The following ATR variants were observed in gnomAD, a reference collection of about 807,000 sequenced individuals.
ATR encodes serine/threonine-protein kinase ATR.
In ATR, 142 loss-of-function variants were observed where a neutral mutation model predicts 305.3. The observed-to-expected ratio is 0.47, with a 90% CI of 0.41 to 0.53. The LOEUF (loss-of-function observed/expected upper bound fraction) is 0.53, where lower values mean the gene tolerates loss of function less well. Among genes scored for constraint, ATR ranks in the 20% least tolerant of loss-of-function variants. The pLI is 0.00. For missense variants in ATR, 2,135 were observed against 3,133.1 expected (o/e 0.68, Z 7.60); for synonymous variants, 1,050 against 1,068.1 (o/e 0.98, Z 0.33).
chr3:142,496,314 A>ATGTG (rs761615149), intron 34 of ATR, 47 bp downstream of exon 34: 1 of 200,722 alleles, frequency 5.0e-6, no homozygotes, highest in African/African-American at 3.7e-5. Context: ...ATATATATAT[A>ATGTG]TATATATATA....
At chr3:142,453,048 G>C (rs777483467) in intron 46 of ATR, 80 bp downstream of exon 46, 11 of 1,595,282 alleles carry the variant, frequency 6.9e-6, no homozygotes, top group Non-Finnish European at 8.5e-6. Flanking sequence ...CATGCATAGA[G>C]ATGAGAACTA....
At chr3:142,450,257 C>T in intron 46 of ATR, 1 of 703,016 alleles carries the variant, frequency 1.4e-6, no homozygotes, top group Non-Finnish European at 2.6e-6. Context: ...ACCCCTACAA[C>T]AGCCAACTTT....
chr3:142,510,905 T>TTAC (rs1427917608), intron 27 of ATR, among the ~76,000 whole-genome samples: 1 of 152,100 alleles, frequency 6.6e-6, no homozygotes, highest in Non-Finnish European at 1.5e-5. Context: ...AAATTAGCAG[T>TTAC]TGTCATTTTT....
chr3:142,450,976 A>C, intron 46 of ATR: 1 of 1,217,186 alleles, frequency 8.2e-7, no homozygotes, highest in Non-Finnish European at 1.0e-6. Flanking sequence ...TCTGACACTC[A>C]AAATCAGAAC....
chr3:142,504,366 TAG>T (rs2032130660), intron 29 of ATR, among the ~76,000 whole-genome samples: 1 of 152,198 alleles, frequency 6.6e-6, no homozygotes, highest in African/African-American at 2.4e-5. Context: ...ATATACATTT[TAG>T]AGTTATTAAA....
chr3:142,459,285 T>C lies in ATR; in HGVS notation c.7291A>G (p.Arg2431Gly). The C allele has an allele frequency of 1.2e-6, 2 of 1,614,008 alleles. No individual in the cohort carries two copies. The highest frequency in any genetic ancestry group is 1.7e-6 in the Non-Finnish European group (2 of 1,179,890). The change falls in exon 43 of 47, where the codon AGG becomes GGG. Residue 2431 changes from arginine to glycine, a missense_variant. By Grantham distance (125) the Arg-to-Gly change is moderately radical. This residue lies in a region of ATR where 462 missense variants were observed against 887.6 expected (regional missense o/e 0.52). Transcript: ENST00000350721. ...LKVFREFLLP[R>G]HPPIFHEWFL... The stretch of plus-strand genomic sequence containing the variant: ...CACTCATGAAAAATAGGAGGATGCC[T>C]GGGCAGGAGAAATTCTCGGAATACT...
chr3:142,548,915 CAAATT>C (rs2034373092), intron 15 of ATR, among the ~76,000 whole-genome samples: 1 of 152,014 alleles, frequency 6.6e-6, no homozygotes, highest in African/African-American at 2.4e-5. Flanking sequence ...TATTATGAAA[CAAATT>C]AAGTAAATTA....
intron 25 of ATR, 41 bp from the exon 26 acceptor site, chr3:142,513,679 T>C (rs768388348): frequency 1.3e-6 from 2 of 1,597,654 alleles, no homozygotes; most frequent in Non-Finnish European, 1.7e-6. Context: ...CACTTTCACA[T>C]ATTGATTAAA....
At chr3:142,561,448 A>T (rs751835524) in intron 4 of ATR, 27 bp from the exon 5 acceptor site, 1 of 1,579,832 alleles carries the variant, frequency 6.3e-7, no homozygotes, top group South Asian at 1.1e-5. Flanking sequence ...TAATTTCCAG[A>T]AATATTCCTT....
At chr3:142,513,753 T>G in intron 25 of ATR, 115 bp from the exon 26 acceptor site, 2 of 1,143,996 alleles carry the variant, frequency 1.7e-6, no homozygotes, top group South Asian at 1.8e-5. Context: ...ATTTAAAAAG[T>G]TTTTTAATTA....
At chr3:142,450,750 T>G in intron 46 of ATR, 1 of 1,529,144 alleles carries the variant, frequency 6.5e-7, no homozygotes, top group Non-Finnish European at 8.8e-7. Flanking sequence ...TGGCAGGTCT[T>G]CAGCACCCTA....
At chr3:142,541,766 A>G (rs2034059664) in intron 17 of ATR, among the ~76,000 whole-genome samples, 1 of 152,182 alleles carries the variant, frequency 6.6e-6, no homozygotes, top group Non-Finnish European at 1.5e-5. Flanking sequence ...TAGATGGAAT[A>G]GTAGTTGGTT....
chr3:142,564,133 G>A (rs187588829), intron 3 of ATR, among the ~76,000 whole-genome samples: 2,733 of 151,906 alleles, frequency 0.018, 29 homozygotes, highest in South Asian at 0.041. Flanking sequence ...TTTTAATTAG[G>A]GTACATACAT....
intron 16 of ATR, among the ~76,000 whole-genome samples, chr3:142,546,438 C>T (rs2034271967): frequency 1.3e-5 from 2 of 152,134 alleles, no homozygotes; most frequent in Non-Finnish European, 1.5e-5. Flanking sequence ...GTGTGTATGC[C>T]ATCTGTTTCC....
intron 21 of ATR, among the ~76,000 whole-genome samples, chr3:142,527,297 T>C (rs2033435723): frequency 6.6e-6 from 1 of 152,162 alleles, no homozygotes; most frequent in Admixed American, 6.5e-5. Flanking sequence ...CCACTGAGAC[T>C]ATTTAGTTTG....
intron 5 of ATR, 85 bp from the exon 6 acceptor site, chr3:142,560,539 T>G: frequency 7.5e-7 from 1 of 1,332,818 alleles, no homozygotes; most frequent in Non-Finnish European, 1.0e-6. Flanking sequence ...TAAAACATAC[T>G]ATGTAATATC....
chr3:142,478,340 G>A (rs1453102990), intron 36 of ATR, among the ~76,000 whole-genome samples: 4 of 152,054 alleles, frequency 2.6e-5, no homozygotes, highest in African/African-American at 9.7e-5. Flanking sequence ...CCTTCATTTC[G>A]TTATGTACCC....
At chr3:142,501,089 T>A (rs1344043824) in intron 30 of ATR, among the ~76,000 whole-genome samples, 1 of 152,050 alleles carries the variant, frequency 6.6e-6, no homozygotes, top group African/African-American at 2.4e-5. Context: ...CAAACAGAAA[T>A]TACCCCAAGA....
At chr3:142,534,904 T>A (rs1231031933) in intron 21 of ATR, among the ~76,000 whole-genome samples, 176 bp downstream of exon 21, 1 of 152,130 alleles carries the variant, frequency 6.6e-6, no homozygotes. Context: ...ATCCCTAAGA[T>A]TCAAGCTCAA....
Sources: gnomAD v4.1 joint callset for allele counts (sites outside exome capture counted in the v4.1 genomes callset) on GRCh38, gnomAD v4.1.1 for gene constraint, gnomAD v4.1.1 regional missense constraint, MANE v1.5 for transcripts, NCBI Gene and HGNC (gene_info 2026-07-23, HGNC 2026-07-21) for gene names.